MUC5B: variants seen among roughly 807,000 people sequenced by gnomAD.
MUC5B encodes mucin-5B.
MUC5B carries 116 observed loss-of-function variants against 376.9 expected under a neutral mutation model. That is an observed-to-expected ratio of 0.31 (90% confidence interval 0.26 to 0.36). The LOEUF (loss-of-function observed/expected upper bound fraction) is 0.36. MUC5B is among the 10% of genes least tolerant of loss of function. The pLI, the probability that MUC5B is intolerant of heterozygous loss-of-function variation, is 1.00. For synonymous variants in MUC5B, 3,517 were observed against 3,390.9 expected (o/e 1.04, Z -1.29); for missense variants, 7,165 against 7,769.9 (o/e 0.92, Z 2.93).
intron 32 of MUC5B, 121 bp downstream of exon 32, chr11:1,252,645 T>C (rs1437000087): frequency 2.9e-6 from 4 of 1,370,244 alleles, no homozygotes; most frequent in Admixed American, 2.6e-5. Flanking sequence ...GTATCTCCAG[T>C]TGGAGGAGGC....
Position 1,247,966 on chromosome 11 carries a change from C to A in MUC5B, c.11086C>A (p.Leu3696Met). 6.2e-7 allele frequency: 1 copy of A among 1,610,984 alleles called. No homozygotes were observed. Among genetic ancestry groups the A allele is most frequent in the Non-Finnish European group, 8.5e-7 (1 of 1,177,994 alleles). ...TPGTTWILTK[L>M]TTTATTTEST... ...GGGGACGACCTGGATCCTCACAAAG[C>A]TGACCACAACAGCCACTACGACTGA... Residue 3696 changes from leucine (L) to methionine (M), a missense_variant, in exon 31 of 49, where the codon CTG becomes ATG. Transcript: ENST00000529681.
Position 1,241,398 on chromosome 11 carries a change from G to A in MUC5B, c.4518G>A (p.Arg1506=). Residue 1506 remains arginine (R), a synonymous_variant, in exon 31 of 49, where the codon CGG becomes CGA. Coordinates refer to ENST00000529681, the MANE Select transcript of MUC5B (RefSeq NM_002458.3). ...SAPGTTTCQP[R]CQWTEWFDED... ...CAGGTACCACCACCTGCCAGCCCCGGTGTCAGTGGACAGAGTGGTTTGATG... is the reference window on the plus strand; with the variant it reads ...CAGGTACCACCACCTGCCAGCCCCGATGTCAGTGGACAGAGTGGTTTGATG... The A allele has an allele frequency of 1.9e-6, 3 of 1,613,686 alleles. No individual in the cohort carries two copies. The highest frequency in any genetic ancestry group is 2.5e-6 in the Non-Finnish European group (3 of 1,179,692).
chr11:1,234,538 C>G lies in MUC5B; in HGVS notation c.2488C>G (p.His830Asp). 3 of 1,581,044 alleles carry G rather than the reference C, an allele frequency of 1.9e-6. No homozygotes were observed. The highest frequency in any genetic ancestry group is 2.6e-6 in the Non-Finnish European group (3 of 1,164,332). Residue 830 changes from histidine (H) to aspartate (D), a missense_variant, in exon 21 of 49, where the codon CAC (histidine) becomes GAC (aspartate). Around this residue, in one of 31 missense-constraint regions of MUC5B, gnomAD observed 530 missense variants for 604.0 expected, o/e 0.88. Transcript: ENST00000529681. The surrounding 1 kb of genome is among the most constrained non-coding windows in gnomAD (Gnocchi z 6.3). Reference sequence around the variant, plus strand: ...TGCCTGGGCCCCACAGTTCAGCACACACTGCGTGTCCGGCTGTGTCTGTCC... The same window carrying G: ...TGCCTGGGCCCCACAGTTCAGCACAGACTGCGTGTCCGGCTGTGTCTGTCC... ...HTLDVGCFST[H>D]CVSGCVCPPG...
At position 1,253,091 on chromosome 11, in the gene MUC5B, A is replaced by C. The variant is rs1862748582; in HGVS notation, c.15217+111A>C. The C allele has an allele frequency of 5.4e-6, 6 of 1,113,828 alleles. No homozygotes were observed. The highest frequency in any genetic ancestry group is 7.6e-6 in the Non-Finnish European group (6 of 791,694). 69.0% of individuals were successfully genotyped at this position (1,113,828 alleles called of 1,614,324 possible). ...TGGGGCACAGTGGGGTGCAGTGGGG[A>C]ATGGTGGGGCATGGTGGGGCATGGT... is the stretch of plus-strand genomic sequence containing the variant. On this transcript the variant is annotated intron_variant, in intron 33 of 48. Coordinates refer to ENST00000529681, the MANE Select transcript of MUC5B (RefSeq NM_002458.3). This position sits in a 1 kb window ranked among gnomAD's most constrained non-coding sequence, Gnocchi z 4.3.
chr11:1,251,013 C>T lies in MUC5B; in HGVS notation c.14133C>T (p.Ser4711=). The change falls in exon 31 of 49, where the codon AGC becomes AGT. Residue 4711 remains serine, a synonymous_variant. Transcript: ENST00000529681. ...CACCCATCACCCCAGTGCTGACCAG[C>T]ACGGCCACCACACCCGCAGCCACCA... ...GTTPITPVLT[S]TATTPAATSS... 3 of 1,611,022 alleles carry T rather than the reference C, an allele frequency of 1.9e-6. No individual in the cohort carries two copies. Among genetic ancestry groups the T allele is most frequent in the East Asian group, 2.2e-5 (1 of 44,848 alleles).
intron 27 of MUC5B, 52 bp from the exon 28 acceptor site, chr11:1,239,747 T>G (rs1180732105): frequency 6.4e-7 from 1 of 1,563,426 alleles, no homozygotes; most frequent in African/African-American, 1.4e-5. Flanking sequence ...AGCCCCTGGC[T>G]GGAGAGACTA....
At chr11:1,223,344 A>G (rs1861802075) in intron 1 of MUC5B, 151 bp downstream of exon 1, 4 of 689,444 alleles carry the variant, frequency 5.8e-6, no homozygotes, top group East Asian at 2.7e-5. Context: ...CCCGTCCCCA[A>G]CACAGGGCTC....
chr11:1,227,554 C>A, intron 6 of MUC5B, 121 bp from the exon 7 acceptor site: 1 of 681,874 alleles, frequency 1.5e-6, no homozygotes. Context: ...GAGTGCCCCT[C>A]GGGGGTGTTG....
Position 1,246,415 on chromosome 11 carries a change from T to C in MUC5B, c.9535T>C (p.Ser3179Pro). 2 of 1,612,900 alleles carry C rather than the reference T, an allele frequency of 1.2e-6. No individual in the cohort carries two copies. Among genetic ancestry groups the C allele is most frequent in the Non-Finnish European group, 1.7e-6 (2 of 1,179,640 alleles). The change falls in exon 31 of 49, where the codon TCC becomes CCC. Residue 3179 changes from serine to proline, a missense_variant. Physicochemically the swap from Ser to Pro is moderately conservative, Grantham distance 74. Coordinates refer to ENST00000529681, the MANE Select transcript of MUC5B (RefSeq NM_002458.3). ...AGCCACCGTGACGGTGCCCACCGGA[T>C]CCACGGCCACCGCCTCCTCCACCCG... ...TTATVTVPTGSTATASSTRAT... is the reference protein window; with the variant it reads ...TTATVTVPTGPTATASSTRAT...
Position 1,250,268 on chromosome 11 carries a change from C to A in MUC5B, c.13388C>A (p.Thr4463Asn). 2 of 1,607,500 alleles carry A rather than the reference C, an allele frequency of 1.2e-6. No homozygotes were observed. Among genetic ancestry groups the A allele is most frequent in the Non-Finnish European group, 1.7e-6 (2 of 1,176,314 alleles). ...PSTTATVTVPTGSTATASSTQ... is the reference protein window; with the variant it reads ...PSTTATVTVPNGSTATASSTQ... ...ACTACAGCCACCGTGACGGTGCCCACCGGATCCACGGCCACCGCCTCCTCC... is the reference window on the plus strand; with the variant it reads ...ACTACAGCCACCGTGACGGTGCCCAACGGATCCACGGCCACCGCCTCCTCC... The change falls in exon 31 of 49, where the codon ACC becomes AAC. Residue 4463 changes from threonine (T) to asparagine (N), a missense_variant. Coordinates refer to ENST00000529681, the MANE Select transcript of MUC5B (RefSeq NM_002458.3).
intron 12 of MUC5B, 26 bp downstream of exon 12, chr11:1,230,626 C>T: frequency 6.3e-7 from 1 of 1,581,134 alleles, no homozygotes; most frequent in Non-Finnish European, 8.6e-7. Flanking sequence ...GGGCCCTGGG[C>T]TGGGACAGGA....
In MUC5B at chr11:1,233,227, G is replaced by C; in HGVS notation, c.2280G>C (p.Val760=). The change falls in exon 18 of 49, where the codon GTG becomes GTC. Residue 760 remains valine (V), a synonymous_variant. Transcript: ENST00000529681. Reference sequence around the variant, plus strand: ...GCCCCTGCTACGCTCACGGCACCGTGCTGGCTCCTGGAGAGGTGGTGCACG... The same window carrying C: ...GCCCCTGCTACGCTCACGGCACCGTCCTGGCTCCTGGAGAGGTGGTGCACG... ...QECPCYAHGT[V]LAPGEVVHDE... 6.3e-7 allele frequency: 1 copy of C among 1,594,142 alleles called. No homozygotes were observed. The highest frequency in any genetic ancestry group is 8.5e-7 in the Non-Finnish European group (1 of 1,173,796).
Position 1,241,608 on chromosome 11 carries a change from C to T in MUC5B, c.4728C>T (p.Cys1576=), listed in dbSNP as rs1590176883. Residue 1576 remains cysteine (C), a synonymous_variant, in exon 31 of 49, where the codon TGC becomes TGT. Transcript: ENST00000529681. ...VHCDVHFGLV[C]RNWEQEGVFK... is the part of the protein sequence containing the mutation. The stretch of plus-strand genomic sequence containing the variant: ...GTGACGTCCACTTCGGCCTGGTGTG[C>T]AGGAACTGGGAGCAGGAGGGCGTCT... 1 of 1,612,430 alleles carries T rather than the reference C, an allele frequency of 6.2e-7. No individual in the cohort carries two copies. Among genetic ancestry groups the T allele is most frequent in the Non-Finnish European group, 8.5e-7 (1 of 1,179,452 alleles).
rs1862410313 is a variant in MUC5B, at chr11:1,244,917, T to G, written c.8037T>G (p.Ser2679=). Residue 2679 remains serine, a synonymous_variant, in exon 31 of 49, where the codon TCT becomes TCG. Transcript: ENST00000529681. ...VATGSMATPS[S]STQTSGTPPS... ...CTGGTTCTATGGCAACACCCTCCTC[T>G]AGCACACAGACCAGTGGTACTCCCC... 5.0e-6 allele frequency: 8 copies of G among 1,591,342 alleles called. No individual in the cohort carries two copies. In the East Asian group the frequency reaches 1.8e-4, roughly 37 times the overall value.
Position 1,255,263 on chromosome 11 carries a change from G to A in MUC5B, c.15887G>A (p.Ser5296Asn). ...PPQPLCDLML[S>N]QVFAECHNLV... Reference sequence around the variant, plus strand: ...CAGCCGCTCTGTGATCTGATGCTGAGCCAGTGAGTCCTCCCCTCGGGGGTT... The same window carrying A: ...CAGCCGCTCTGTGATCTGATGCTGAACCAGTGAGTCCTCCCCTCGGGGGTT... Residue 5296 changes from serine to asparagine, a missense_variant, in exon 36 of 49, where the codon AGC becomes AAC. Ser to Asn is a conservative substitution (Grantham distance 46). Around this residue, in one of 31 missense-constraint regions of MUC5B, gnomAD observed 842 missense variants for 1,016.9 expected, o/e 0.83. Transcript: ENST00000529681. 7 of 1,516,422 alleles carry A rather than the reference G, an allele frequency of 4.6e-6. No individual in the cohort carries two copies. Among genetic ancestry groups the A allele is most frequent in the Non-Finnish European group, 6.2e-6 (7 of 1,125,260 alleles). The allele number at this position is 1,516,422 out of a possible 1,614,324, so 93.9% of individuals were successfully genotyped here.
Position 1,252,967 on chromosome 11 carries a change from C to T in MUC5B, c.15204C>T (p.His5068=). The change falls in exon 33 of 49, where the codon CAC becomes CAT. Residue 5068 remains histidine, a synonymous_variant. Coordinates refer to ENST00000529681, the MANE Select transcript of MUC5B (RefSeq NM_002458.3). ...ACCCGAGCCAGCCCTGTGACTTCCA[C>T]TATGAGTGCGAGTGTGAGTGCGTCG... ...VSDPSQPCDF[H]YECECICSMW... is the part of the protein sequence containing the mutation. 1 of 1,612,678 alleles carries T rather than the reference C, an allele frequency of 6.2e-7. No individual in the cohort carries two copies. Among genetic ancestry groups the T allele is most frequent in the African/African-American group, 1.3e-5 (1 of 75,062 alleles).
chr11:1,237,224 C>G, intron 25 of MUC5B, 60 bp downstream of exon 25: 2 of 1,327,818 alleles, frequency 1.5e-6, no homozygotes, highest in Non-Finnish European at 1.9e-6. Context: ...TCCTTCCCGC[C>G]GAGAACTGGG....
chr11:1,246,391 G>C lies in MUC5B; in HGVS notation c.9511G>C (p.Ala3171Pro), dbSNP rs771458116. The change falls in exon 31 of 49, where the codon GCC (alanine) becomes CCC (proline). Residue 3171 changes from alanine (A) to proline (P), a missense_variant. Physicochemically the swap from Ala to Pro is conservative, Grantham distance 27. Transcript: ENST00000529681. ...GATCCTCACAGAGCCCAGCACTACA[G>C]CCACCGTGACGGTGCCCACCGGATC... ...TWILTEPSTT[A>P]TVTVPTGSTA... The C allele has an allele frequency of 2.5e-6, 4 of 1,613,258 alleles. No homozygotes were observed. The highest frequency in any genetic ancestry group is 3.4e-6 in the Non-Finnish European group (4 of 1,179,712).
At position 1,255,176 on chromosome 11, in the gene MUC5B, C is replaced by A; in HGVS notation, c.15800C>A (p.Pro5267His). 1.3e-6 allele frequency: 2 copies of A among 1,555,350 alleles called. No individual in the cohort carries two copies. Among genetic ancestry groups the A allele is most frequent in the Non-Finnish European group, 1.7e-6 (2 of 1,149,918 alleles). The part of the protein sequence containing the change: ...KDGCWAPTGT[P>H]PTASPAAPVS... Reference sequence around the variant, plus strand: ...GGCTGCTGGGCCCCGACTGGCACACCCCCCACTGCCAGCCCCGCAGCCCCG... The same window carrying A: ...GGCTGCTGGGCCCCGACTGGCACACACCCCACTGCCAGCCCCGCAGCCCCG... Residue 5267 changes from proline (P) to histidine (H), a missense_variant, in exon 36 of 49, where the codon CCC becomes CAC. By Grantham distance (77) the Pro-to-His change is moderately conservative. Around this residue, in one of 31 missense-constraint regions of MUC5B, gnomAD observed 842 missense variants for 1,016.9 expected, o/e 0.83. Coordinates refer to ENST00000529681, the MANE Select transcript of MUC5B (RefSeq NM_002458.3).
Sources: allele counts gnomAD v4.1 joint callset, GRCh38; gene constraint gnomAD v4.1.1; regional missense constraint gnomAD v4.1.1; non-coding constraint Gnocchi (gnomAD v3.1); transcripts MANE v1.5; gene names NCBI Gene and HGNC (gene_info 2026-07-23, HGNC 2026-07-21).